PACS2: variants seen among roughly 807,000 people sequenced by gnomAD.
The protein encoded by PACS2 is PACS1-like protein.
In PACS2, 36 loss-of-function variants were observed where a neutral mutation model predicts 113.0. The ratio of observed to expected loss-of-function variants is 0.32; its 90% CI spans 0.24 to 0.42. The LOEUF (loss-of-function observed/expected upper bound fraction) is 0.42. Ranked by LOEUF, PACS2 falls within the 10% of genes least tolerant of loss-of-function variation. The pLI, the probability that PACS2 is intolerant of heterozygous loss-of-function variation, is 1.00. For synonymous variants in PACS2, 589 were observed against 536.1 expected, an observed-to-expected ratio of 1.10 and a Z score of -1.36; for missense variants, 1,015 against 1,239.5, an observed-to-expected ratio of 0.82 and a Z score of 2.72.
rs587636594 is a variant in PACS2 at position 105,335,644 on chromosome 14, A to G, written c.120-12849A>G. Among the ~76,000 whole-genome samples, 4 of 152,246 alleles carry G rather than the reference A, an allele frequency of 2.6e-5. No individual in the cohort carries two copies. In the East Asian group the frequency reaches 7.7e-4, roughly 29 times the overall value. On this transcript the variant is annotated intron_variant, in intron 1 of 24. Transcript: ENST00000447393. ...TAGCCCTCGGTGTAGTCTATCCATGAGGCACCTGGCTGAGCCTGTTCCTCT... is the reference window on the plus strand; with the variant it reads ...TAGCCCTCGGTGTAGTCTATCCATGGGGCACCTGGCTGAGCCTGTTCCTCT...
At position 105,315,825 on chromosome 14, in the gene PACS2, AAGG is replaced by A. The variant is rs2058587261; in HGVS notation, c.119+794_119+796del. Among the ~76,000 whole-genome samples, 2 of 152,212 alleles carry A rather than the reference AAGG, an allele frequency of 1.3e-5. No homozygotes were observed. Among genetic ancestry groups the A allele is most frequent in the Admixed American group, 6.5e-5 (1 of 15,276 alleles). On this transcript the variant is annotated intron_variant, in intron 1 of 24. Transcript: ENST00000447393. This position sits in a 1 kb window ranked among gnomAD's most constrained non-coding sequence, Gnocchi z 4.4. ...TTCCTGCTCAGGAAGCTCCCAGGCT[AAGG>A]AGGAGAGAGACACGCTCTCCGGAAA...
At chr14:105,377,158 A>G (rs1390395002) in intron 9 of PACS2, among the ~76,000 whole-genome samples, 2 of 152,082 alleles carry the variant, frequency 1.3e-5, no homozygotes, top group African/African-American at 4.8e-5. Flanking sequence ...AGGGGGTGCA[A>G]GCTCTGGGCT....
chr14:105,377,081 G>C (rs2080810613), intron 9 of PACS2, among the ~76,000 whole-genome samples, 156 bp downstream of exon 9: 1 of 152,216 alleles, frequency 6.6e-6, no homozygotes, highest in African/African-American at 2.4e-5. Flanking sequence ...GGAAGGAGGG[G>C]TGTGCGGCTG....
chr14:105,334,531 CTCCACCTGAGGGCCAGTGCCTACGT>C (rs2059431921), intron 1 of PACS2, among the ~76,000 whole-genome samples: 1 of 151,938 alleles, frequency 6.6e-6, no homozygotes, highest in African/African-American at 2.4e-5. Context: ...GTGCGTAGAG[CTCCACCTGAGGGCCAGTGCCTACGT>C]AGAGCTCCAC....
chr14:105,381,036 C>A lies in PACS2; in HGVS notation c.1205C>A (p.Thr402Lys), dbSNP rs139419197. The A allele has an allele frequency of 9.3e-6, 15 of 1,612,422 alleles. No individual in the cohort carries two copies. In the East Asian group the frequency reaches 3.1e-4, roughly 34 times the overall value. ...EAEASTLDVF[T>K]ERLPPSGRIT... ...GAGGCCTCCACCCTGGATGTGTTCA[C>A]GGAGAGGCTGCCGCCCAGCGGGAGG... Residue 402 changes from threonine (T) to lysine (K), a missense_variant, in exon 12 of 25, where the codon ACG becomes AAG. Thr to Lys is a moderately conservative substitution (Grantham distance 78, BLOSUM62 -1). Around this residue, in one of 3 missense-constraint regions of PACS2, gnomAD observed 859 missense variants for 1,056.8 expected, o/e 0.81. Transcript: ENST00000447393.
At position 105,396,302 on chromosome 14, in the gene PACS2, G is replaced by A. The variant is rs1555416689; in HGVS notation, c.*1630G>A. 1 of 152,336 alleles carries A rather than the reference G, an allele frequency of 6.6e-6. No individual in the cohort carries two copies. The highest frequency in any genetic ancestry group is 1.5e-5 in the Non-Finnish European group (1 of 68,178). The allele number at this position is 152,336 out of a possible 1,614,324, so 9.4% of individuals were successfully genotyped here. A position where few individuals can be genotyped will look rare whatever the true frequency, so the allele number is the denominator to read the frequency against. ...ACCAGGAGCCTGGGGCACACCCCAG[G>A]GTGGGGGAGAGGGTAGGAAGGTCTC... On this transcript the variant is annotated 3_prime_UTR_variant, in exon 25 of 25. Coordinates refer to ENST00000447393, the MANE Select transcript of PACS2 (RefSeq NM_001100913.3).
Position 105,314,983 on chromosome 14 carries a change from T to C in PACS2, c.65T>C (p.Met22Thr). Residue 22 changes from methionine (M) to threonine (T), a missense_variant, in exon 1 of 25, where the codon ATG becomes ACG. Transcript: ENST00000447393. Reference sequence around the variant, plus strand: ...GGCGCGCTCAACACGCCCGTGCCCATGAACCTGTTCGCCACCTGGGAGGTG... The same window carrying C: ...GGCGCGCTCAACACGCCCGTGCCCACGAACCTGTTCGCCACCTGGGAGGTG... ...APGALNTPVPMNLFATWEVDG... is the reference protein window; with the variant it reads ...APGALNTPVPTNLFATWEVDG... 2 of 1,246,568 alleles carry C rather than the reference T, an allele frequency of 1.6e-6. No individual in the cohort carries two copies. The highest frequency in any genetic ancestry group is 2.1e-6 in the Non-Finnish European group (2 of 973,748). The allele number at this position is 1,246,568 out of a possible 1,614,324, so 77.2% of individuals were successfully genotyped here.
At chr14:105,377,970 G>A (rs2080845126) in intron 9 of PACS2, among the ~76,000 whole-genome samples, 1 of 152,230 alleles carries the variant, frequency 6.6e-6, no homozygotes, top group Non-Finnish European at 1.5e-5. Flanking sequence ...TGCGGGATGG[G>A]GGTCTGGCTG....
Position 105,376,924 on chromosome 14 carries a change from C to T in PACS2, c.958C>T (p.Arg320Trp), listed in dbSNP as rs782630893. ...SVLSTPKPKL[R>W]PYFEGLSHSS... ...CCTCAGCACCCCCAAGCCGAAGCTG[C>T]GGTGAGCCCTACAGGGCGGGGCGGG... The change falls in exon 9 of 25, where the codon CGG becomes TGG. Residue 320 changes from arginine to tryptophan, a missense_variant and splice_region_variant. This residue lies in a region of PACS2 where 859 missense variants were observed against 1,056.8 expected (regional missense o/e 0.81). Coordinates refer to ENST00000447393, the MANE Select transcript of PACS2 (RefSeq NM_001100913.3). The surrounding 1 kb of genome is among the most constrained non-coding windows in gnomAD (Gnocchi z 4.7). The T allele has an allele frequency of 1.9e-6, 3 of 1,606,036 alleles. No homozygotes were observed. Among genetic ancestry groups the T allele is most frequent in the Admixed American group, 1.7e-5 (1 of 59,346 alleles).
intron 1 of PACS2, among the ~76,000 whole-genome samples, chr14:105,326,969 T>C (rs1411545057): frequency 6.6e-6 from 1 of 152,208 alleles, no homozygotes; most frequent in Non-Finnish European, 1.5e-5. Context: ...GACGTAAAGG[T>C]TGTCGCGCCT....
At chr14:105,333,323 C>T (rs367604414) in intron 1 of PACS2, among the ~76,000 whole-genome samples, 27 of 152,232 alleles carry the variant, frequency 1.8e-4, no homozygotes, top group African/African-American at 4.3e-4. Flanking sequence ...CTGCCCCAGG[C>T]GGGGACACTA....
At chr14:105,389,766 T>C (rs1300251249) in intron 19 of PACS2, 195 bp from the exon 20 acceptor site, 1 of 627,798 alleles carries the variant, frequency 1.6e-6, no homozygotes, top group Non-Finnish European at 2.9e-6. Context: ...GCGTTGGTCC[T>C]GGGGGCCAGG....
intron 1 of PACS2, among the ~76,000 whole-genome samples, chr14:105,320,396 G>T (rs587728482): frequency 1.2e-4 from 19 of 152,054 alleles, no homozygotes; most frequent in Admixed American, 4.6e-4. Context: ...TTGAGACAGG[G>T]TCTTGCTCTT....
At chr14:105,332,003 C>T (rs1212794843) in intron 1 of PACS2, among the ~76,000 whole-genome samples, 1 of 152,210 alleles carries the variant, frequency 6.6e-6, no homozygotes, top group African/African-American at 2.4e-5. Context: ...CAGCCTGCTC[C>T]TTGTTCCTTG....
chr14:105,368,529 C>G lies in PACS2; in HGVS notation c.731C>G (p.Ser244Cys), dbSNP rs1654705543. 6.2e-7 allele frequency: 1 copy of G among 1,613,448 alleles called. No individual in the cohort carries two copies. Among genetic ancestry groups the G allele is most frequent in the African/African-American group, 1.3e-5 (1 of 75,062 alleles). The change falls in exon 7 of 25, where the codon TCC (serine) becomes TGC (cysteine). Residue 244 changes from serine (S) to cysteine (C), a missense_variant. Ser to Cys is a moderately radical substitution (Grantham distance 112). This residue lies in a region of PACS2 where 859 missense variants were observed against 1,056.8 expected (regional missense o/e 0.81). Coordinates refer to ENST00000447393, the MANE Select transcript of PACS2 (RefSeq NM_001100913.3). ...CGGAGATCGATTGTAAGAACGACGT[C>G]CATGACCAGGGTTGGTGGAGACTGC... is the stretch of plus-strand genomic sequence containing the variant. The part of the protein sequence containing the change: ...KQRRSIVRTT[S>C]MTRQQNFKQK...
chr14:105,376,946 C>T lies in PACS2; in HGVS notation c.959+21C>T, dbSNP rs368031607. ...CTGCGGTGAGCCCTACAGGGCGGGG[C>T]GGGGAGGAACAGCCATTTCAGATGC... On this transcript the variant is annotated intron_variant, in intron 9 of 24. Transcript: ENST00000447393. This position sits in a 1 kb window ranked among gnomAD's most constrained non-coding sequence, Gnocchi z 4.7. The T allele has an allele frequency of 1.8e-4, 282 of 1,569,164 alleles. No homozygotes were observed. The highest frequency in any genetic ancestry group is 7.7e-4 in the South Asian group (66 of 86,254).
At chr14:105,382,112 C>T in intron 13 of PACS2, 54 bp downstream of exon 13, 4 of 1,509,344 alleles carry the variant, frequency 2.7e-6, no homozygotes, top group Non-Finnish European at 3.6e-6. Flanking sequence ...GTCACCCTGG[C>T]ACCAACCAGA....
chr14:105,315,762 C>G lies in PACS2; in HGVS notation c.119+725C>G, dbSNP rs2058581020. 6.6e-6 allele frequency among the ~76,000 whole-genome samples: 1 copy of G among 152,238 alleles called. No homozygotes were observed. The highest frequency in any genetic ancestry group is 6.5e-5 in the Admixed American group (1 of 15,286). Reference sequence around the variant, plus strand: ...TTGCAGCTTCCCTGAGTCTCCTGCTCAGTTTGAAACTTTTGTAATTTCTTC... The same window carrying G: ...TTGCAGCTTCCCTGAGTCTCCTGCTGAGTTTGAAACTTTTGTAATTTCTTC... On this transcript the variant is annotated intron_variant, in intron 1 of 24. Transcript: ENST00000447393. The surrounding 1 kb of genome is among the most constrained non-coding windows in gnomAD (Gnocchi z 4.4).
In PACS2 at chr14:105,348,324, T is replaced by G. The variant is rs587667350; in HGVS notation, c.120-169T>G. On this transcript the variant is annotated intron_variant, in intron 1 of 24. Transcript: ENST00000447393. The surrounding 1 kb of genome is among the most constrained non-coding windows in gnomAD (Gnocchi z 6.4). ...GGTGCCCACCATGTGCAGGGACAGCTGGGGTGATGTCTTGGAGCCCTGTGA... is the reference window on the plus strand; with the variant it reads ...GGTGCCCACCATGTGCAGGGACAGCGGGGGTGATGTCTTGGAGCCCTGTGA... Among the ~76,000 whole-genome samples, 1 of 152,194 alleles carries G rather than the reference T, an allele frequency of 6.6e-6. No homozygotes were observed. Among genetic ancestry groups the G allele is most frequent in the South Asian group, 2.1e-4 (1 of 4,828 alleles).
Sources: allele counts gnomAD v4.1 joint callset (sites outside exome capture counted in the v4.1 genomes callset), GRCh38; gene constraint gnomAD v4.1.1; regional missense constraint gnomAD v4.1.1; non-coding constraint Gnocchi (gnomAD v3.1); transcripts MANE v1.5; gene names NCBI Gene and HGNC (gene_info 2026-07-23, HGNC 2026-07-21).